The following SLCO1A2 variants were observed in gnomAD, a reference collection of about 807,000 sequenced individuals.
The protein encoded by SLCO1A2 is OATP-1.
In SLCO1A2, 67 loss-of-function variants were observed where a neutral mutation model predicts 69.0. That is an observed-to-expected ratio of 0.97 (90% CI 0.80 to 1.19). The LOEUF (loss-of-function observed/expected upper bound fraction) is 1.19, where lower values mean the gene tolerates loss of function less well. Among genes scored for constraint, SLCO1A2 ranks in the 50% most tolerant of loss-of-function variants. The pLI is 0.00. For synonymous variants in SLCO1A2, 260 were observed against 265.9 expected, an observed-to-expected ratio of 0.98 and a Z score of 0.22; for missense variants, 787 against 793.7, an observed-to-expected ratio of 0.99 and a Z score of 0.10.
At chr12:21,275,125 G>C (rs533674987) in intron 13 of SLCO1A2, 2 of 1,015,888 alleles carry the variant, frequency 2.0e-6, no homozygotes, top group South Asian at 7.7e-5. Flanking sequence ...ACAGGAAGGG[G>C]AACATCACAC....
chr12:21,325,480 G>A (rs61927784), intron 2 of SLCO1A2, among the ~76,000 whole-genome samples: 14,582 of 152,144 alleles, frequency 0.096, 940 homozygotes, highest in Non-Finnish European at 0.15. Flanking sequence ...GCAAGGGATT[G>A]AGCCAAGGGA....
At chr12:21,307,667 C>A (rs1949592525) in intron 4 of SLCO1A2, among the ~76,000 whole-genome samples, 1 of 152,140 alleles carries the variant, frequency 6.6e-6, no homozygotes, top group Non-Finnish European at 1.5e-5. Flanking sequence ...AAATTACATG[C>A]CGTAAGATGG....
At chr12:21,361,461 C>G (rs749545421) in intron 2 of SLCO1A2, among the ~76,000 whole-genome samples, 6 of 152,158 alleles carry the variant, frequency 3.9e-5, no homozygotes, top group Admixed American at 3.3e-4. Flanking sequence ...GCTGAAAATT[C>G]TAAAAATTAG....
intron 3 of SLCO1A2, among the ~76,000 whole-genome samples, chr12:21,315,557 T>C (rs547819009): frequency 2.0e-5 from 3 of 152,264 alleles, no homozygotes; most frequent in Non-Finnish European, 4.4e-5. Context: ...TTCAAAATTT[T>C]TTTTCCTCAA....
upstream of SLCO1A2, among the ~76,000 whole-genome samples, chr12:21,337,549 C>T (rs1185545635): frequency 6.6e-6 from 1 of 151,750 alleles, no homozygotes; most frequent in Non-Finnish European, 1.5e-5. Context: ...AAAATTTACA[C>T]TAGCAAAAAT....
At chr12:21,382,720 G>A (rs1471127492) in intron 1 of SLCO1A2, among the ~76,000 whole-genome samples, 2 of 150,966 alleles carry the variant, frequency 1.3e-5, no homozygotes, top group East Asian at 3.9e-4. Flanking sequence ...GCTTGAACCT[G>A]GGAGGCAGAG....
intron 2 of SLCO1A2, among the ~76,000 whole-genome samples, chr12:21,361,655 G>C (rs1286966851): frequency 6.6e-6 from 1 of 152,114 alleles, no homozygotes; most frequent in African/African-American, 2.4e-5. Flanking sequence ...AAAAAGAGTA[G>C]ACGAATGGCA....
chr12:21,382,937 A>G (rs768974277), intron 1 of SLCO1A2, among the ~76,000 whole-genome samples: 3 of 152,176 alleles, frequency 2.0e-5, no homozygotes, highest in Non-Finnish European at 2.9e-5. Flanking sequence ...TCTCTACATC[A>G]TGTCCAAATA....
At chr12:21,329,745 A>G (rs544090144) in intron 2 of SLCO1A2, among the ~76,000 whole-genome samples, 1 of 133,716 alleles carries the variant, frequency 7.5e-6, no homozygotes, top group Non-Finnish European at 1.6e-5. Context: ...TTTACTTAAA[A>G]TAACTCTTAG....
intron 12 of SLCO1A2, among the ~76,000 whole-genome samples, chr12:21,288,432 C>G (rs1297212211): frequency 6.6e-6 from 1 of 151,692 alleles, no homozygotes; most frequent in Non-Finnish European, 1.5e-5. Flanking sequence ...CAGAATGAGA[C>G]TCCATCTGAG....
At chr12:21,319,957 G>C (rs1004124768) in intron 2 of SLCO1A2, among the ~76,000 whole-genome samples, 2 of 152,192 alleles carry the variant, frequency 1.3e-5, no homozygotes, top group Non-Finnish European at 2.9e-5. Flanking sequence ...ACTGGTAATA[G>C]TATAGTTAGG....
intron 2 of SLCO1A2, among the ~76,000 whole-genome samples, chr12:21,353,288 A>T (rs976327487): frequency 4.6e-5 from 7 of 152,172 alleles, no homozygotes; most frequent in Admixed American, 1.3e-4. Context: ...AAGTAATAGT[A>T]TTTTTAAAAT....
chr12:21,374,787 CCT>C (rs1171781014), intron 1 of SLCO1A2, among the ~76,000 whole-genome samples: 2 of 151,064 alleles, frequency 1.3e-5, no homozygotes, highest in Non-Finnish European at 3.0e-5. Flanking sequence ...GCACTTTTAC[CCT>C]CTCTTTTTTT....
At chr12:21,373,251 T>C (rs1939930396) in intron 2 of SLCO1A2, 2 of 861,442 alleles carry the variant, frequency 2.3e-6, no homozygotes, top group Non-Finnish European at 3.9e-6. Context: ...AAGATGTTTC[T>C]TTTAAAAACT....
intron 4 of SLCO1A2, among the ~76,000 whole-genome samples, chr12:21,308,358 T>G (rs568600472): frequency 1.3e-5 from 2 of 152,158 alleles, no homozygotes; most frequent in African/African-American, 2.4e-5. Flanking sequence ...ATAAAAGATA[T>G]GAGAAGTGCA....
At chr12:21,392,200 A>G (rs1319154965) in intron 1 of SLCO1A2, among the ~76,000 whole-genome samples, 1 of 152,140 alleles carries the variant, frequency 6.6e-6, no homozygotes, top group Non-Finnish European at 1.5e-5. Flanking sequence ...TCTCCCTGCA[A>G]CTTTAGATAT....
At chr12:21,300,816 A>G (rs1294778235) in intron 7 of SLCO1A2, among the ~76,000 whole-genome samples, 1 of 152,144 alleles carries the variant, frequency 6.6e-6, no homozygotes. Flanking sequence ...TACAAGTTCT[A>G]TTTCATCATC....
In SLCO1A2 at chr12:21,267,366, G is replaced by T. The variant is rs556159607; in HGVS notation, c.*2182C>A. The T allele has an allele frequency of 2.0e-5, 3 of 152,252 alleles. No individual in the cohort carries two copies. Among genetic ancestry groups the T allele is most frequent in the Admixed American group, 1.3e-4 (2 of 15,266 alleles). The allele number at this position is 152,252 out of a possible 1,614,324, so 9.4% of individuals were successfully genotyped here. A position where few individuals can be genotyped will look rare whatever the true frequency, so the allele number is the denominator to read the frequency against. ...AGATCACCTCAAATCTATCAATAGG[G>T]ATGATGAATGGGCCTCAGGAGCTTG... On this transcript the variant is annotated 3_prime_UTR_variant, in exon 15 of 15. Coordinates refer to ENST00000683939, the MANE Select transcript of SLCO1A2 (RefSeq NM_001386879.1).
intron 6 of SLCO1A2, among the ~76,000 whole-genome samples, chr12:21,302,202 C>T (rs2136459127): frequency 6.6e-6 from 1 of 152,244 alleles, no homozygotes; most frequent in Non-Finnish European, 1.5e-5. Context: ...TCACCTCTCA[C>T]TCACTTTACT....
Sources: gnomAD v4.1 joint callset for allele counts (sites outside exome capture counted in the v4.1 genomes callset) on GRCh38, gnomAD v4.1.1 for gene constraint, MANE v1.5 for transcripts, NCBI Gene and HGNC (gene_info 2026-07-23, HGNC 2026-07-21) for gene names.